Variants in MYH10 observed in about 807,000 individuals in gnomAD.
MYH10 encodes myosin-10.
MYH10 carries 55 observed loss-of-function variants against 257.8 expected under a neutral mutation model. The ratio of observed to expected loss-of-function variants is 0.21; its 90% CI spans 0.17 to 0.27. The LOEUF (loss-of-function observed/expected upper bound fraction) is 0.27. Ranked by LOEUF, MYH10 falls within the 10% of genes least tolerant of loss-of-function variation. MYH10 has a pLI of 1.00. For synonymous variants in MYH10, 854 were observed against 921.7 expected (o/e 0.93, Z 1.33); for missense variants, 1,631 against 2,500.6 (o/e 0.65, Z 7.42).
chr17:8,583,537 T>G (rs1372670616), intron 4 of MYH10, among the ~76,000 whole-genome samples: 1 of 152,180 alleles, frequency 6.6e-6, no homozygotes, highest in East Asian at 1.9e-4. Flanking sequence ...GCTGACAATC[T>G]GATCCAGAAT....
At position 8,623,083 on chromosome 17, in the gene MYH10, C is replaced by G. The variant is rs754469351; in HGVS notation, c.164G>C (p.Gly55Ala). The change falls in exon 2 of 43, where the codon GGA becomes GCA. Residue 55 changes from glycine (G) to alanine (A), a missense_variant. Gly to Ala is a moderately conservative substitution (Grantham distance 60). Coordinates refer to ENST00000360416, the MANE Select transcript of MYH10 (RefSeq NM_001256012.3). Reference protein sequence around the residue: ...FEAASIKEERGDEVMVELAEN... With the variant: ...FEAASIKEERADEVMVELAEN... ...TGCCAACTCCACCATAACTTCATCT[C>G]CCCGTTCTTCTTTGATACTAGCTGC... is the stretch of plus-strand genomic sequence containing the variant. The G allele has an allele frequency of 1.2e-6, 2 of 1,614,132 alleles. No homozygotes were observed. Among genetic ancestry groups the G allele is most frequent in the African/African-American group, 2.7e-5 (2 of 75,042 alleles).
At chr17:8,547,640 C>T (rs2082486120) in intron 11 of MYH10, among the ~76,000 whole-genome samples, 1 of 151,354 alleles carries the variant, frequency 6.6e-6, no homozygotes. Context: ...AGATAACTAA[C>T]TTGTTAGAAT....
intron 7 of MYH10, among the ~76,000 whole-genome samples, chr17:8,555,086 G>A (rs1415351785): frequency 6.6e-6 from 1 of 151,926 alleles, no homozygotes; most frequent in Non-Finnish European, 1.5e-5. Context: ...CCTGGTGACA[G>A]AGTGAGACTC....
At chr17:8,626,509 G>A (rs922013219) in intron 1 of MYH10, among the ~76,000 whole-genome samples, 1 of 151,396 alleles carries the variant, frequency 6.6e-6, no homozygotes, top group African/African-American at 2.4e-5. Context: ...AGAGGTTGTA[G>A]TGAGCTGAAA....
intron 17 of MYH10, among the ~76,000 whole-genome samples, chr17:8,524,003 G>A (rs901154003): frequency 1.6e-4 from 25 of 152,242 alleles, no homozygotes; most frequent in African/African-American, 4.8e-4. Context: ...AGTGACAAGA[G>A]GAAAATTCCA....
chr17:8,567,608 A>G (rs900679972), intron 7 of MYH10, among the ~76,000 whole-genome samples: 7 of 152,144 alleles, frequency 4.6e-5, no homozygotes, highest in Non-Finnish European at 8.8e-5. Context: ...ACCCTACTTC[A>G]ATATAATTGG....
At chr17:8,544,262 G>T (rs531413643) in intron 13 of MYH10, among the ~76,000 whole-genome samples, 35 of 151,946 alleles carry the variant, frequency 2.3e-4, no homozygotes, top group Non-Finnish European at 3.7e-4. Context: ...TCGAGAACAG[G>T]GTGTGTCTCC....
At chr17:8,505,499 C>T (rs1204779754) in intron 27 of MYH10, among the ~76,000 whole-genome samples, 1 of 152,202 alleles carries the variant, frequency 6.6e-6, no homozygotes, top group Admixed American at 6.5e-5. Flanking sequence ...TTGATTGTAA[C>T]ACATTATAAA....
intron 4 of MYH10, among the ~76,000 whole-genome samples, chr17:8,586,810 G>T (rs2083930466): frequency 6.6e-6 from 1 of 152,238 alleles, no homozygotes; most frequent in African/African-American, 2.4e-5. Context: ...GCTTTCAGAC[G>T]TTCCCAAAAG....
chr17:8,568,837 A>G (rs368473580), intron 7 of MYH10, among the ~76,000 whole-genome samples: 1 of 151,972 alleles, frequency 6.6e-6, no homozygotes. Flanking sequence ...CCTGGCCATC[A>G]CTTAGGATAA....
At chr17:8,592,654 A>G (rs929400294) in intron 3 of MYH10, among the ~76,000 whole-genome samples, 2 of 151,434 alleles carry the variant, frequency 1.3e-5, no homozygotes, top group African/African-American at 4.8e-5. Flanking sequence ...AATTGTAATT[A>G]AAAATCTTCT....
rs1401218186 is a variant in MYH10 at position 8,535,858 on chromosome 17, A to G, written c.1679T>C (p.Val560Ala). 1 of 1,614,060 alleles carries G rather than the reference A, an allele frequency of 6.2e-7. No homozygotes were observed. The change falls in exon 15 of 43, where the codon GTT (valine) becomes GCT (alanine). Residue 560 changes from valine (V) to alanine (A), a missense_variant. Coordinates refer to ENST00000360416, the MANE Select transcript of MYH10 (RefSeq NM_001256012.3). This position sits in a 1 kb window ranked among gnomAD's most constrained non-coding sequence, Gnocchi z 4.3. ...ACCTTGCTCTTGAACCAGTTTTTCA[A>G]CAAAGGTTTTATCTGTGGCTTTAGG... Reference protein sequence around the residue: ...WFPKATDKTFVEKLVQEQGSH... With the variant: ...WFPKATDKTFAEKLVQEQGSH...
intron 13 of MYH10, among the ~76,000 whole-genome samples, chr17:8,544,374 T>C (rs2082382323): frequency 6.6e-6 from 1 of 152,248 alleles, no homozygotes; most frequent in Admixed American, 6.5e-5. Flanking sequence ...AGGTGTTTTG[T>C]CTGTTTGTTG....
chr17:8,573,262 G>A (rs568137438), intron 6 of MYH10, among the ~76,000 whole-genome samples: 1 of 152,314 alleles, frequency 6.6e-6, no homozygotes, highest in African/African-American at 2.4e-5. Context: ...CCCGCAAGGG[G>A]ACTCAGGCTG....
At chr17:8,571,585 A>G (rs1425316227) in intron 6 of MYH10, among the ~76,000 whole-genome samples, 1 of 151,766 alleles carries the variant, frequency 6.6e-6, no homozygotes, top group Non-Finnish European at 1.5e-5. Flanking sequence ...GATCGAGACC[A>G]TCCTGGCTAA....
rs1269712589 is a variant in MYH10, at chr17:8,509,838, C to T, written c.3064G>A (p.Glu1022Lys). 5 of 1,609,156 alleles carry T rather than the reference C, an allele frequency of 3.1e-6. No individual in the cohort carries two copies. Among genetic ancestry groups the T allele is most frequent in the East Asian group, 2.2e-5 (1 of 44,534 alleles). The change falls in exon 25 of 43, where the codon GAG (glutamate) becomes AAG (lysine). Residue 1022 changes from glutamate to lysine, a missense_variant. This residue lies in a region of MYH10 where 169 missense variants were observed against 249.8 expected (regional missense o/e 0.68). Coordinates refer to ENST00000360416, the MANE Select transcript of MYH10 (RefSeq NM_001256012.3). ...TTGATGAACTTGGAATTTTGGTCCT[C>T]GAGAAGCAGAATCTCCTCTTCCATC... ...KKMEEEILLLEDQNSKFIKEK... is the reference protein window; with the variant it reads ...KKMEEEILLLKDQNSKFIKEK...
chr17:8,529,914 T>TA (rs1392263326), intron 17 of MYH10, among the ~76,000 whole-genome samples: 1 of 152,226 alleles, frequency 6.6e-6, no homozygotes, highest in African/African-American at 2.4e-5. Flanking sequence ...GGCTGTATTG[T>TA]AATACAGGGC....
In MYH10 at chr17:8,483,992, A is replaced by G. The variant is rs973730007; in HGVS notation, c.5175+146T>C. The G allele has an allele frequency of 4.5e-6, 3 of 665,690 alleles. No individual in the cohort carries two copies. In the Admixed American group the frequency reaches 1.0e-4, roughly 22 times the overall value. The allele number at this position is 665,690 out of a possible 1,614,324, so 41.2% of individuals were successfully genotyped here. A position where few individuals can be genotyped will look rare whatever the true frequency, so the allele number is the denominator to read the frequency against. On this transcript the variant is annotated intron_variant, in intron 37 of 42. Transcript: ENST00000360416. ...AAGCAACAAGAAGGTTGAGGACCAT[A>G]TTAAAAATGGATACTTAAAAAAATA...
chr17:8,584,692 T>C (rs949528937), intron 4 of MYH10, among the ~76,000 whole-genome samples: 4 of 152,210 alleles, frequency 2.6e-5, no homozygotes, highest in Middle Eastern at 3.2e-3. Flanking sequence ...TTCCGTCCAA[T>C]GCCTCTCTGG....
Sources: allele counts gnomAD v4.1 joint callset (sites outside exome capture counted in the v4.1 genomes callset), GRCh38; gene constraint gnomAD v4.1.1; regional missense constraint gnomAD v4.1.1; non-coding constraint Gnocchi (gnomAD v3.1); transcripts MANE v1.5; gene names NCBI Gene and HGNC (gene_info 2026-07-23, HGNC 2026-07-21).